KAT6B: variants seen among roughly 807,000 people sequenced by gnomAD.
The protein encoded by KAT6B is histone acetyltransferase KAT6B.
In KAT6B, 10 loss-of-function variants were observed where a neutral mutation model predicts 187.5. That is an observed-to-expected ratio of 0.05 (90% CI 0.03 to 0.09). The LOEUF is 0.09. KAT6B is among the 10% of genes least tolerant of loss of function. KAT6B has a pLI of 1.00. For missense variants in KAT6B, 1,952 were observed against 2,558.9 expected (o/e 0.76, Z 5.12); for synonymous variants, 861 against 926.8 (o/e 0.93, Z 1.29).
In KAT6B at chr10:74,972,595, A is replaced by G. The variant is rs1841916964; in HGVS notation, c.1017A>G (p.Ala339=). 3.7e-6 allele frequency: 6 copies of G among 1,613,520 alleles called. No individual in the cohort carries two copies. Among genetic ancestry groups the G allele is most frequent in the Non-Finnish European group, 5.1e-6 (6 of 1,179,566 alleles). The stretch of plus-strand genomic sequence containing the variant: ...CTGCACAAATAAAACGACGATATGC[A>G]AAACCCATTGGACGACCGAAAAATA... ...EKAAQIKRRY[A]KPIGRPKNKL... The change falls in exon 7 of 18, where the codon GCA becomes GCG. Residue 339 remains alanine, a synonymous_variant. Coordinates refer to ENST00000287239, the MANE Select transcript of KAT6B (RefSeq NM_012330.4).
At chr10:74,952,749 C>T (rs565411478) in intron 3 of KAT6B, among the ~76,000 whole-genome samples, 11 of 150,566 alleles carry the variant, frequency 7.3e-5, no homozygotes, top group East Asian at 3.9e-4. Flanking sequence ...TATAATGGCG[C>T]GGTCTTGGCT....
chr10:74,900,951 G>A (rs1315490210), intron 3 of KAT6B, among the ~76,000 whole-genome samples: 1 of 152,106 alleles, frequency 6.6e-6, no homozygotes, highest in East Asian at 1.9e-4. Flanking sequence ...CTCCATGAAA[G>A]TATATATTCT....
intron 9 of KAT6B, 40 bp from the exon 10 acceptor site, chr10:74,979,184 G>A: frequency 3.6e-6 from 5 of 1,383,730 alleles, no homozygotes; most frequent in Non-Finnish European, 5.1e-6. Context: ...TGTAAGTGAA[G>A]TATATATATT....
At position 74,975,971 on chromosome 10, in the gene KAT6B, A is replaced by T; in HGVS notation, c.1634A>T (p.Asp545Val). The T allele has an allele frequency of 6.2e-7, 1 of 1,614,080 alleles. No homozygotes were observed. The highest frequency in any genetic ancestry group is 8.5e-7 in the Non-Finnish European group (1 of 1,180,012). ...TTNSQLKALF[D>V]GLSHIYTTQG... ...AACAGCCAGCTGAAGGCACTCTTTG[A>T]TGGGCTTTCTCATATCTATACCACT... Residue 545 changes from aspartate (D) to valine (V), a missense_variant, in exon 8 of 18, where the codon GAT (aspartate) becomes GTT (valine). Asp to Val is a radical substitution (Grantham distance 152). Transcript: ENST00000287239.
At chr10:74,900,569 C>T (rs777898662) in intron 3 of KAT6B, among the ~76,000 whole-genome samples, 9 of 152,208 alleles carry the variant, frequency 5.9e-5, no homozygotes, top group Non-Finnish European at 8.8e-5. Flanking sequence ...GGCATGTGCC[C>T]ATGCTTTAGA....
chr10:74,858,079 G>A (rs1474002409), intron 3 of KAT6B, among the ~76,000 whole-genome samples: 1 of 151,970 alleles, frequency 6.6e-6, no homozygotes, highest in Non-Finnish European at 1.5e-5. Flanking sequence ...CAGTTTATGG[G>A]AGTAATGCTA....
At chr10:74,914,059 A>AC (rs1299178220) in intron 3 of KAT6B, among the ~76,000 whole-genome samples, 1 of 151,856 alleles carries the variant, frequency 6.6e-6, no homozygotes, top group African/African-American at 2.4e-5. Flanking sequence ...GGTGGCGGGC[A>AC]CCTGTAGTCC....
intron 3 of KAT6B, among the ~76,000 whole-genome samples, chr10:74,938,331 C>A (rs536435279): frequency 2.0e-5 from 3 of 152,084 alleles, no homozygotes; most frequent in African/African-American, 7.2e-5. Context: ...CTGATCTACA[C>A]CATCCTCCCC....
intron 3 of KAT6B, among the ~76,000 whole-genome samples, chr10:74,940,310 C>T: frequency 6.7e-6 from 1 of 148,870 alleles, no homozygotes; most frequent in Non-Finnish European, 1.5e-5. Flanking sequence ...GAGTCTCGCT[C>T]TGTTGCCCAG....
intron 3 of KAT6B, among the ~76,000 whole-genome samples, chr10:74,916,846 C>T (rs1334954356): frequency 1.3e-5 from 2 of 152,132 alleles, no homozygotes; most frequent in South Asian, 2.1e-4. Flanking sequence ...TCATGCCTGT[C>T]ATCCCAGCTC....
At chr10:74,829,946 A>G (rs1201405629) in intron 1 of KAT6B, among the ~76,000 whole-genome samples, 4 of 148,902 alleles carry the variant, frequency 2.7e-5, no homozygotes, top group African/African-American at 7.5e-5. Context: ...TGAACCTGGG[A>G]GGCGGAGGTT....
intron 3 of KAT6B, among the ~76,000 whole-genome samples, chr10:74,905,375 G>C (rs1846683706): frequency 6.6e-6 from 1 of 152,178 alleles, no homozygotes; most frequent in Non-Finnish European, 1.5e-5. Context: ...AGTGTTCTCT[G>C]AGCTCCAGGC....
At chr10:74,841,436 C>G (rs1841737005) in intron 2 of KAT6B, among the ~76,000 whole-genome samples, 2 of 152,110 alleles carry the variant, frequency 1.3e-5, no homozygotes, top group African/African-American at 4.8e-5. Context: ...TGTGGTGGCA[C>G]ATTCCTGTAA....
At chr10:75,011,451 T>A (rs1200098669) in intron 13 of KAT6B, among the ~76,000 whole-genome samples, 2 of 152,202 alleles carry the variant, frequency 1.3e-5, no homozygotes, top group Non-Finnish European at 2.9e-5. Flanking sequence ...TGCCTCTGGG[T>A]CACAAATCAG....
chr10:74,917,049 G>A (rs991206188), intron 3 of KAT6B, among the ~76,000 whole-genome samples: 1 of 152,156 alleles, frequency 6.6e-6, no homozygotes, highest in African/African-American at 2.4e-5. Context: ...AGGCTGCAGT[G>A]AACTGAGATC....
intron 3 of KAT6B, among the ~76,000 whole-genome samples, chr10:74,954,689 G>T (rs1840550314): frequency 6.6e-6 from 1 of 152,112 alleles, no homozygotes; most frequent in South Asian, 2.1e-4. Flanking sequence ...GTTTTGTTTT[G>T]CTTATACTTT....
At chr10:74,952,311 C>T (rs975123995) in intron 3 of KAT6B, among the ~76,000 whole-genome samples, 10 of 151,680 alleles carry the variant, frequency 6.6e-5, no homozygotes, top group African/African-American at 1.7e-4. Context: ...GCTTTGATCA[C>T]GCCCCCGCTC....
intron 3 of KAT6B, among the ~76,000 whole-genome samples, chr10:74,954,939 G>T (rs1840571549): frequency 6.6e-6 from 1 of 152,086 alleles, no homozygotes; most frequent in African/African-American, 2.4e-5. Flanking sequence ...TCGGTAATGG[G>T]CTTGAGAGAC....
intron 3 of KAT6B, among the ~76,000 whole-genome samples, chr10:74,958,376 G>A (rs901897200): frequency 2.0e-5 from 3 of 152,142 alleles, no homozygotes; most frequent in African/African-American, 4.8e-5. Flanking sequence ...GCAAAATCTT[G>A]TTTTTAATTT....
Sources: allele counts gnomAD v4.1 joint callset (sites outside exome capture counted in the v4.1 genomes callset), GRCh38; gene constraint gnomAD v4.1.1; transcripts MANE v1.5; gene names NCBI Gene and HGNC (gene_info 2026-07-23, HGNC 2026-07-21).